USP26: variants seen among roughly 807,000 people sequenced by gnomAD.
The protein encoded by USP26 is ubiquitin carboxyl-terminal hydrolase 26.
For missense variants in USP26, 649 were observed against 642.3 expected, an observed-to-expected ratio of 1.01 and a Z score of -0.11; for synonymous variants, 236 against 240.6, an observed-to-expected ratio of 0.98 and a Z score of 0.18.
intron 5 of USP26, among the ~76,000 whole-genome samples, chrX:133,055,198 A>G (rs139277921): frequency 1.3e-3 from 144 of 112,383 alleles, no homozygotes; most frequent in African/African-American, 4.4e-3. Context: ...GTGATGTATA[A>G]CAGTTGCTGG....
chrX:133,047,485 T>C (rs1432340573), intron 5 of USP26, among the ~76,000 whole-genome samples: 1 of 112,475 alleles, frequency 8.9e-6, no homozygotes, highest in Non-Finnish European at 1.9e-5. Context: ...TTGCACTGTA[T>C]TCATCAACAT....
intron 5 of USP26, among the ~76,000 whole-genome samples, chrX:133,035,858 G>C (rs2067394162): frequency 8.9e-6 from 1 of 112,232 alleles, no homozygotes; most frequent in African/African-American, 3.2e-5. Context: ...AATGATTCCA[G>C]CTTTAAAGTA....
chrX:133,069,834 C>T (rs1410541381), intron 5 of USP26, among the ~76,000 whole-genome samples: 1 of 111,515 alleles, frequency 9.0e-6, no homozygotes, highest in Non-Finnish European at 1.9e-5. Flanking sequence ...AGAAAGAGTG[C>T]TCTTGACAAC....
intron 5 of USP26, among the ~76,000 whole-genome samples, chrX:133,076,348 T>G (rs564680588): frequency 1.8e-5 from 2 of 110,840 alleles, no homozygotes; most frequent in East Asian, 2.9e-4. Flanking sequence ...GATTGCATAA[T>G]CTTATGCAAT....
chrX:133,086,968 A>G (rs893364818), intron 4 of USP26, among the ~76,000 whole-genome samples: 2 of 109,489 alleles, frequency 1.8e-5, no homozygotes, highest in African/African-American at 6.6e-5. Flanking sequence ...ACCCACCACC[A>G]CAATGACCAC....
At chrX:133,056,151 ATAAG>A (rs1172590460) in intron 5 of USP26, among the ~76,000 whole-genome samples, 1 of 111,791 alleles carries the variant, frequency 8.9e-6, no homozygotes, top group African/African-American at 3.3e-5. Flanking sequence ...CATGTAGAAC[ATAAG>A]TAAGTGCACA....
chrX:133,055,871 C>T (rs748869038), intron 5 of USP26, among the ~76,000 whole-genome samples: 1 of 111,834 alleles, frequency 8.9e-6, no homozygotes, highest in Non-Finnish European at 1.9e-5. Flanking sequence ...AGATTAGAAG[C>T]CTACCTTTAT....
At chrX:133,039,129 A>ATT (rs199943199) in intron 5 of USP26, among the ~76,000 whole-genome samples, 2 of 110,580 alleles carry the variant, frequency 1.8e-5, no homozygotes, top group Non-Finnish European at 3.8e-5. Context: ...GGACTCATTG[A>ATT]TTTTTTTTAA....
rs768084606 is a variant in USP26, at chrX:133,028,035, T to C, written c.186A>G (p.Lys62=). The change falls in exon 6 of 6, where the codon AAA becomes AAG. Residue 62 remains lysine, a synonymous_variant. Coordinates refer to ENST00000511190, the MANE Select transcript of USP26 (RefSeq NM_031907.3). ...GGTGATTTTGGTTTCCTCTATAGGA[T>C]TTAAGGACTACATTTTGAATATTAT... ...LSDNIQNVVL[K]SYRGNQNHLH... 2 of 1,209,115 alleles carry C rather than the reference T, an allele frequency of 1.7e-6. No homozygotes were observed. Among genetic ancestry groups the C allele is most frequent in the African/African-American group, 3.5e-5 (2 of 57,201 alleles).
At chrX:133,061,993 C>A (rs2067495547) in intron 5 of USP26, among the ~76,000 whole-genome samples, 1 of 111,807 alleles carries the variant, frequency 8.9e-6, no homozygotes. Context: ...CCATGAAGCC[C>A]AGTAAGCTAA....
intron 5 of USP26, among the ~76,000 whole-genome samples, chrX:133,044,105 T>G (rs1006722776): frequency 9.8e-5 from 11 of 112,793 alleles, no homozygotes; most frequent in African/African-American, 3.5e-4. Context: ...CACCCACCCA[T>G]CTACTACTCT....
chrX:133,061,629 A>G (rs1039040590), intron 5 of USP26, among the ~76,000 whole-genome samples: 1 of 112,183 alleles, frequency 8.9e-6, no homozygotes, highest in African/African-American at 3.2e-5. Flanking sequence ...CTGGTTAGGC[A>G]GTGGGTGCAG....
chrX:133,066,877 A>T (rs1261541361), intron 5 of USP26, among the ~76,000 whole-genome samples: 1 of 112,028 alleles, frequency 8.9e-6, no homozygotes, highest in Non-Finnish European at 1.9e-5. Context: ...GACAAATGGG[A>T]TCTAATTAAA....
rs1198872172 is a variant in USP26 at position 133,057,844 on chromosome X, T to TTATATATATATA, written c.-77+25851_-77+25862dup. On this transcript the variant is annotated intron_variant, in intron 5 of 5. Transcript: ENST00000511190. ...TTGGGGTCTGAGAATATACTTTACA[T>TTATATATATATA]TATATATATATATATATATATATTT... is the stretch of plus-strand genomic sequence containing the variant. 2.2e-3 allele frequency among the ~76,000 whole-genome samples: 68 copies of TTATATATATATA among 30,658 alleles called. 5 individuals carry two copies. Among genetic ancestry groups the TTATATATATATA allele is most frequent in the African/African-American group, 0.017 (63 of 3,717 alleles). 26.6% of individuals were successfully genotyped at this position (30,658 alleles called of 115,157 possible).
chrX:133,025,256 G>T lies in USP26; in HGVS notation c.*223C>A. 2 of 465,829 alleles carry T rather than the reference G, an allele frequency of 4.3e-6. No homozygotes were observed. The highest frequency in any genetic ancestry group is 3.6e-5 in the South Asian group (1 of 28,043). The allele number at this position is 465,829 out of a possible 1,213,427, so 38.4% of individuals were successfully genotyped here. On this transcript the variant is annotated 3_prime_UTR_variant, in exon 6 of 6. Coordinates refer to ENST00000511190, the MANE Select transcript of USP26 (RefSeq NM_031907.3). ...GAAGAACATGAAAAACACAATTTCA[G>T]TCTTGTAGGAGAGAAGGATGCTCAT...
At position 133,031,068 on chromosome X, in the gene USP26, G is replaced by A. The variant is rs188210598; in HGVS notation, c.-76-2772C>T. Among the ~76,000 whole-genome samples, 738 of 111,878 alleles carry A rather than the reference G, an allele frequency of 6.6e-3. 4 individuals are homozygous for A. The highest frequency in any genetic ancestry group is 0.012 in the Non-Finnish European group (618 of 53,146). Reference sequence around the variant, plus strand: ...TAAGGTCAAGATATATGGCAGTGTGGTACAGGTGGTGTGTGTTTTAATTAT... The same window carrying A: ...TAAGGTCAAGATATATGGCAGTGTGATACAGGTGGTGTGTGTTTTAATTAT... On this transcript the variant is annotated intron_variant, in intron 5 of 5. Transcript: ENST00000511190.
At chrX:133,052,994 A>G (rs180696388) in intron 5 of USP26, among the ~76,000 whole-genome samples, 321 of 111,762 alleles carry the variant, frequency 2.9e-3, no homozygotes, top group African/African-American at 9.8e-3. Context: ...AGAAAATACT[A>G]TATGTGAAAC....
At chrX:133,090,545 G>C (rs1263358457) in intron 3 of USP26, among the ~76,000 whole-genome samples, 173 bp downstream of exon 3, 1 of 112,319 alleles carries the variant, frequency 8.9e-6, no homozygotes. Flanking sequence ...ATCCCAAATT[G>C]ATATGAAATT....
At chrX:133,069,288 G>A (rs2067522968) in intron 5 of USP26, among the ~76,000 whole-genome samples, 1 of 111,935 alleles carries the variant, frequency 8.9e-6, no homozygotes, top group Non-Finnish European at 1.9e-5. Flanking sequence ...TAAGGAGGAC[G>A]ACAGAGAGGA....
Sources: gnomAD v4.1 joint callset for allele counts (sites outside exome capture counted in the v4.1 genomes callset) on GRCh38, gnomAD v4.1.1 for gene constraint, MANE v1.5 for transcripts, NCBI Gene and HGNC (gene_info 2026-07-23, HGNC 2026-07-21) for gene names.